NCOR1: variants seen among roughly 807,000 people sequenced by gnomAD.
The protein encoded by NCOR1 is nuclear receptor corepressor 1.
NCOR1 carries 63 observed loss-of-function variants against 288.1 expected under a neutral mutation model. The ratio of observed to expected loss-of-function variants is 0.22; its 90% CI spans 0.18 to 0.27. NCOR1 has a LOEUF of 0.27. Among genes scored for constraint, NCOR1 ranks in the 10% least tolerant of loss-of-function variants. The pLI, the probability that NCOR1 is intolerant of heterozygous loss-of-function variation, is 1.00. For synonymous variants in NCOR1, 1,007 were observed against 1,065.9 expected, an observed-to-expected ratio of 0.94 and a Z score of 1.08; for missense variants, 2,397 against 3,019.2, an observed-to-expected ratio of 0.79 and a Z score of 4.83.
intron 22 of NCOR1, among the ~76,000 whole-genome samples, chr17:16,090,860 G>A (rs982351874): frequency 6.6e-6 from 1 of 152,198 alleles, no homozygotes; most frequent in South Asian, 2.1e-4. Context: ...CCCTTGGAAT[G>A]CATGGCATTG....
chr17:16,050,233 T>G (rs966069035), intron 40 of NCOR1, among the ~76,000 whole-genome samples: 2 of 151,756 alleles, frequency 1.3e-5, no homozygotes, highest in Admixed American at 6.6e-5. Context: ...CAATTTTTTT[T>G]TTTTTTTAAG....
intron 14 of NCOR1, among the ~76,000 whole-genome samples, chr17:16,132,114 A>G (rs1355865961): frequency 6.6e-6 from 1 of 152,248 alleles, no homozygotes; most frequent in Non-Finnish European, 1.5e-5. Flanking sequence ...AAATTGCTAT[A>G]TTTACCTAAG....
At chr17:16,064,821 T>C (rs763689558) in intron 34 of NCOR1, 49 bp downstream of exon 34, 9 of 1,474,532 alleles carry the variant, frequency 6.1e-6, no homozygotes, top group African/African-American at 4.3e-5. Flanking sequence ...GTTGTAAAAA[T>C]GTAAACATGA....
chr17:16,044,889 A>C (rs941818929), intron 42 of NCOR1: 2 of 727,930 alleles, frequency 2.7e-6, no homozygotes, highest in Non-Finnish European at 4.8e-6. Context: ...TCCAGCTGAG[A>C]AGAAAGTGGA....
intron 5 of NCOR1, among the ~76,000 whole-genome samples, chr17:16,160,409 T>C (rs1390131924): frequency 6.6e-6 from 1 of 152,190 alleles, no homozygotes; most frequent in Non-Finnish European, 1.5e-5. Flanking sequence ...ATAAGTCCAC[T>C]ACCTAAGATG....
At chr17:16,165,284 T>G (rs1246399535) in intron 4 of NCOR1, 123 bp from the exon 5 acceptor site, 4 of 704,018 alleles carry the variant, frequency 5.7e-6, no homozygotes, top group Non-Finnish European at 6.8e-6. Flanking sequence ...TAATGAAACT[T>G]TTAGTAGTAA....
chr17:16,066,944 A>G (rs969366809), intron 32 of NCOR1, among the ~76,000 whole-genome samples: 2 of 152,264 alleles, frequency 1.3e-5, no homozygotes, highest in Non-Finnish European at 2.9e-5. Context: ...CTTATTAAGC[A>G]AAGAGTTTAT....
chr17:16,071,808 G>A, intron 29 of NCOR1, 143 bp from the exon 30 acceptor site: 2 of 758,562 alleles, frequency 2.6e-6, no homozygotes, highest in African/African-American at 1.8e-5. Flanking sequence ...TTGACATCTT[G>A]TAGTTTCTAA....
In NCOR1 at chr17:16,058,057, A is replaced by G. The variant is rs2152556595; in HGVS notation, c.6018T>C (p.Pro2006=). The G allele has an allele frequency of 6.2e-7, 1 of 1,614,052 alleles. No homozygotes were observed. Among genetic ancestry groups the G allele is most frequent in the South Asian group, 1.1e-5 (1 of 91,084 alleles). The part of the protein sequence containing the change: ...VVKANQAEND[P]TRQYEGPLHH... ...GTAATGGTCCTTCATATTGTCTGGT[A>G]GGATCATCTAGGAGAGAACACATAG... is the stretch of plus-strand genomic sequence containing the variant. Residue 2006 remains proline (P), a synonymous_variant, in exon 39 of 46, where the codon CCT becomes CCC. Transcript: ENST00000268712.
intron 18 of NCOR1, among the ~76,000 whole-genome samples, 187 bp downstream of exon 18, chr17:16,117,701 T>G (rs1050810930): frequency 2.0e-5 from 3 of 152,098 alleles, no homozygotes. Flanking sequence ...CGGGCGCCTG[T>G]AGTCCCAGCT....
At chr17:16,055,874 G>C (rs1258850158) in intron 40 of NCOR1, among the ~76,000 whole-genome samples, 2 of 151,978 alleles carry the variant, frequency 1.3e-5, no homozygotes, top group Non-Finnish European at 2.9e-5. Flanking sequence ...TTATCCTTAA[G>C]GTTATCCAGC....
At chr17:16,192,037 A>C (rs2153547701) in intron 2 of NCOR1, 1 of 152,006 alleles carries the variant, frequency 6.6e-6, no homozygotes, top group Admixed American at 6.6e-5. Flanking sequence ...AGGTTACAAA[A>C]AAAAAACAAA....
intron 21 of NCOR1, among the ~76,000 whole-genome samples, chr17:16,095,279 C>T (rs1598512562): frequency 6.7e-6 from 1 of 148,980 alleles, no homozygotes; most frequent in South Asian, 2.2e-4. Context: ...AGGTGAGGAG[C>T]GTCTCTGCCC....
At position 16,113,181 on chromosome 17, in the gene NCOR1, C is replaced by A. The variant is rs555422323; in HGVS notation, c.2056-4269G>T. On this transcript the variant is annotated intron_variant, in intron 18 of 45. Transcript: ENST00000268712. ...CTGCCCTCCTCAGCCTCCCAAAGTG[C>A]TGGGATTACAGGCATAAGCCACCGC... 2.2e-3 allele frequency among the ~76,000 whole-genome samples: 330 copies of A among 151,820 alleles called. 3 individuals are homozygous for A. Among genetic ancestry groups the A allele is most frequent in the Non-Finnish European group, 3.8e-3 (261 of 67,976 alleles).
chr17:16,044,928 G>A, intron 42 of NCOR1: 1 of 634,492 alleles, frequency 1.6e-6, no homozygotes, highest in South Asian at 1.6e-5. Context: ...TGAGGAGTCT[G>A]ATGATGACAT....
rs1205643843 is a variant in NCOR1, at chr17:16,057,519, C to G, written c.6387G>C (p.Arg2129Ser). ...ATTTGGAATAAAGATCATACCTTCC[C>G]CTGGATTTGTCCACAAGATTTTCTG... ...VSPENLVDKS[R>S]GSRPGKSPER... Residue 2129 changes from arginine (R) to serine (S), a missense_variant, in exon 40 of 46, where the codon AGG becomes AGC. This residue lies in a region of NCOR1 where 1,872 missense variants were observed against 2,187.8 expected (regional missense o/e 0.86). Transcript: ENST00000268712. The G allele has an allele frequency of 6.2e-7, 1 of 1,613,300 alleles. No homozygotes were observed. Among genetic ancestry groups the G allele is most frequent in the South Asian group, 1.1e-5 (1 of 91,066 alleles).
chr17:16,091,780 AC>A, intron 22 of NCOR1, 82 bp downstream of exon 22: 4 of 1,593,344 alleles, frequency 2.5e-6, no homozygotes, highest in Non-Finnish European at 3.4e-6. Flanking sequence ...CTGACAACTT[AC>A]AAAGCACAAT....
At chr17:16,212,093 C>T (rs931143097) in intron 1 of NCOR1, among the ~76,000 whole-genome samples, 8 of 151,766 alleles carry the variant, frequency 5.3e-5, no homozygotes, top group Admixed American at 4.6e-4. Context: ...CTGACCAACA[C>T]GTCTCTACTA....
chr17:16,174,675 T>C (rs2153475901), intron 3 of NCOR1, among the ~76,000 whole-genome samples: 1 of 152,236 alleles, frequency 6.6e-6, no homozygotes, highest in East Asian at 1.9e-4. Flanking sequence ...ATGTATAAAA[T>C]CTCAGAAATT....
Sources: allele counts gnomAD v4.1 joint callset (sites outside exome capture counted in the v4.1 genomes callset), GRCh38; gene constraint gnomAD v4.1.1; regional missense constraint gnomAD v4.1.1; transcripts MANE v1.5; gene names NCBI Gene and HGNC (gene_info 2026-07-23, HGNC 2026-07-21).